TEPSIN: variants seen among roughly 807,000 people sequenced by gnomAD.
The protein encoded by TEPSIN is TEPSIN adaptor related protein complex 4 accessory protein.
A neutral mutation model predicts 48.5 loss-of-function variants in TEPSIN; 50 were observed. The observed-to-expected ratio is 1.03, with a 90% confidence interval of 0.82 to 1.31. The LOEUF (loss-of-function observed/expected upper bound fraction) is 1.31, where lower values mean the gene tolerates loss of function less well. TEPSIN is among the 50% of genes most tolerant of loss of function. TEPSIN has a pLI of 0.00. For synonymous variants in TEPSIN, 392 were observed against 358.8 expected, an observed-to-expected ratio of 1.09 and a Z score of -1.05; for missense variants, 838 against 815.9, an observed-to-expected ratio of 1.03 and a Z score of -0.33.
At position 81,229,390 on chromosome 17, in the gene TEPSIN, T is replaced by C; in HGVS notation, c.1320A>G (p.Pro440=). Residue 440 remains proline, a synonymous_variant, in exon 13 of 13, where the codon CCA becomes CCG. Coordinates refer to ENST00000637944, the MANE Select transcript of TEPSIN (RefSeq NM_001363764.2). The stretch of plus-strand genomic sequence containing the variant: ...CGTCGGTCAGCAGGTCAGATGGGCC[T>C]GGGAGGGCGGCTGTGGGGCCAGGCT... ...SAEPGPTAAL[P]GPSDLLTDAV... 1.9e-6 allele frequency: 3 copies of C among 1,552,682 alleles called. No homozygotes were observed. Among genetic ancestry groups the C allele is most frequent in the African/African-American group, 1.4e-5 (1 of 73,146 alleles).
intron 4 of TEPSIN, among the ~76,000 whole-genome samples, chr17:81,236,092 T>G (rs2062715444): frequency 6.6e-6 from 1 of 152,152 alleles, no homozygotes; most frequent in Non-Finnish European, 1.5e-5. Flanking sequence ...CTCCACCCCA[T>G]GGAAGATCTC....
intron 1 of TEPSIN, 21 bp downstream of exon 1, chr17:81,238,964 CG>C: frequency 7.0e-7 from 1 of 1,437,906 alleles, no homozygotes; most frequent in East Asian, 3.0e-5. Context: ...GACCGGGGCC[CG>C]GGCGGACCGC....
chr17:81,231,301 G>A (rs1426227698), intron 11 of TEPSIN, 97 bp downstream of exon 11: 2 of 1,262,318 alleles, frequency 1.6e-6, no homozygotes, highest in Non-Finnish European at 2.2e-6. Flanking sequence ...ACACACAGGT[G>A]TGCACACAGG....
chr17:81,230,794 G>A lies in TEPSIN; in HGVS notation c.1099-116C>T. The A allele has an allele frequency of 7.5e-7, 1 of 1,330,472 alleles. No individual in the cohort carries two copies. The highest frequency in any genetic ancestry group is 1.5e-5 in the South Asian group (1 of 64,654). 82.4% of individuals were successfully genotyped at this position (1,330,472 alleles called of 1,614,324 possible). A position where few individuals can be genotyped will look rare whatever the true frequency, so the allele number is the denominator to read the frequency against. ...TCCTCATCAATGACTGGAGTGCCAGGAGGCCCCAGAGACAGCTCCACCACA... is the reference window on the plus strand; with the variant it reads ...TCCTCATCAATGACTGGAGTGCCAGAAGGCCCCAGAGACAGCTCCACCACA... On this transcript the variant is annotated intron_variant, in intron 11 of 12. Transcript: ENST00000637944. The surrounding 1 kb of genome is among the most constrained non-coding windows in gnomAD (Gnocchi z 4.2).
Position 81,228,941 on chromosome 17 carries a change from AACGCGAAAGCTG to A in TEPSIN, c.1757_1768del (p.Ser586_Ala589del). ...CAGGCCATCGGGTCAGGCGTTCAGG[AACGCGAAAGCTG>A]ACGGCTCTGAGCCAGGAGGCTCTTT... On this transcript the variant is annotated inframe_deletion, in exon 13 of 13. Coordinates refer to ENST00000637944, the MANE Select transcript of TEPSIN (RefSeq NM_001363764.2). 1 of 1,613,514 alleles carries A rather than the reference AACGCGAAAGCTG, an allele frequency of 6.2e-7. No homozygotes were observed.
chr17:81,229,522 G>A (rs772895240), intron 12 of TEPSIN, 46 bp from the exon 13 acceptor site: 25 of 1,536,362 alleles, frequency 1.6e-5, no homozygotes, highest in Non-Finnish European at 2.2e-5. Flanking sequence ...GCAACCCTGG[G>A]AAATGTGGGG....
intron 11 of TEPSIN, 116 bp downstream of exon 11, chr17:81,231,282 G>A: frequency 8.1e-6 from 9 of 1,109,870 alleles, no homozygotes; most frequent in Non-Finnish European, 1.1e-5. Flanking sequence ...GCCACACAGA[G>A]GAATGTTCAC....
rs1395578965 is a variant in TEPSIN, at chr17:81,229,403, G to T, written c.1307C>A (p.Thr436Lys). ...GTCAGATGGGCCTGGGAGGGCGGCT[G>T]TGGGGCCAGGCTCAGCTGAGGTGCC... ...ARGTSAEPGP[T>K]AALPGPSDLL... The change falls in exon 13 of 13, where the codon ACA (threonine) becomes AAA (lysine). Residue 436 changes from threonine to lysine, a missense_variant. Physicochemically the swap from Thr to Lys is moderately conservative, Grantham distance 78. Coordinates refer to ENST00000637944, the MANE Select transcript of TEPSIN (RefSeq NM_001363764.2). 6.4e-7 allele frequency: 1 copy of T among 1,551,012 alleles called. No individual in the cohort carries two copies. Among genetic ancestry groups the T allele is most frequent in the Admixed American group, 2.0e-5 (1 of 50,712 alleles).
At position 81,233,399 on chromosome 17, in the gene TEPSIN, A is replaced by G. The variant is rs1232564242; in HGVS notation, c.526+33T>C. ...CACCTCCTCATCCCCACACCCTGAG[A>G]TGCCAGAGCCCATGCAGGCCCTCCC... On this transcript the variant is annotated intron_variant, in intron 7 of 12. Coordinates refer to ENST00000637944, the MANE Select transcript of TEPSIN (RefSeq NM_001363764.2). This position sits in a 1 kb window ranked among gnomAD's most constrained non-coding sequence, Gnocchi z 5.8. 6.2e-7 allele frequency: 1 copy of G among 1,606,122 alleles called. No homozygotes were observed. The highest frequency in any genetic ancestry group is 8.5e-7 in the Non-Finnish European group (1 of 1,178,070).
intron 4 of TEPSIN, among the ~76,000 whole-genome samples, chr17:81,235,947 T>C (rs2062712630): frequency 6.6e-6 from 1 of 152,194 alleles, no homozygotes; most frequent in Non-Finnish European, 1.5e-5. Context: ...GCCCAGTGGA[T>C]GGTACACCCT....
intron 1 of TEPSIN, chr17:81,238,063 A>G (rs2062757552): frequency 2.0e-6 from 2 of 992,684 alleles, no homozygotes; most frequent in Middle Eastern, 5.2e-4. Flanking sequence ...TGCATTATTC[A>G]GTATCAGGAC....
Position 81,234,311 on chromosome 17 carries a change from G to A in TEPSIN, c.308-263C>T, listed in dbSNP as rs1567907641. ...TCTCCCCCAGGGTCGGCAACCCCTG[G>A]TGCCTGAGCGGGTGTGGCCTCCCCG... On this transcript the variant is annotated intron_variant, in intron 4 of 12. Coordinates refer to ENST00000637944, the MANE Select transcript of TEPSIN (RefSeq NM_001363764.2). This position sits in a 1 kb window ranked among gnomAD's most constrained non-coding sequence, Gnocchi z 5.4. The A allele has an allele frequency of 2.7e-6, 1 of 364,510 alleles. No homozygotes were observed. 22.6% of individuals were successfully genotyped at this position (364,510 alleles called of 1,614,324 possible).
Position 81,233,506 on chromosome 17 carries a change from G to A in TEPSIN, c.455-3C>T, listed in dbSNP as rs780292946. 6.3e-7 allele frequency: 1 copy of A among 1,596,012 alleles called. No homozygotes were observed. On this transcript the variant is annotated splice_polypyrimidine_tract_variant and splice_region_variant and intron_variant, in intron 6 of 12. Coordinates refer to ENST00000637944, the MANE Select transcript of TEPSIN (RefSeq NM_001363764.2). The surrounding 1 kb of genome is among the most constrained non-coding windows in gnomAD (Gnocchi z 5.8). ...CGGCCTGGCCTGGGAGCCCATGCCTGCAGAGGGTCCTCCGTTAGCAGCAAG... is the reference window on the plus strand; with the variant it reads ...CGGCCTGGCCTGGGAGCCCATGCCTACAGAGGGTCCTCCGTTAGCAGCAAG...
At chr17:81,238,637 TG>T in intron 1 of TEPSIN, 2 of 1,144,202 alleles carry the variant, frequency 1.7e-6, no homozygotes, top group Non-Finnish European at 2.1e-6. Context: ...CCAGCCCACC[TG>T]GGCGCCAGCA....
In TEPSIN at chr17:81,232,342, G is replaced by C. The variant is rs893884957; in HGVS notation, c.703C>G (p.Leu235Val). 3.6e-5 allele frequency: 55 copies of C among 1,534,296 alleles called. No individual in the cohort carries two copies. In the African/African-American group the frequency reaches 6.6e-4, roughly 18 times the overall value. ...CGGGGACCTGGAATGGCCCCGGGGA[G>C]TAGGTTCCCCAGGGTTGGGGGACCG... Reference protein sequence around the residue: ...SHGPPTLGNLLPGAIPGPRAV... With the variant: ...SHGPPTLGNLVPGAIPGPRAV... The change falls in exon 8 of 13, where the codon CTC (leucine) becomes GTC (valine). Residue 235 changes from leucine to valine, a missense_variant. Leu to Val is a conservative substitution (Grantham distance 32). Coordinates refer to ENST00000637944, the MANE Select transcript of TEPSIN (RefSeq NM_001363764.2).
Position 81,231,429 on chromosome 17 carries a change from T to C in TEPSIN, c.1067A>G (p.His356Arg), listed in dbSNP as rs2062605887. 2 of 1,562,944 alleles carry C rather than the reference T, an allele frequency of 1.3e-6. No homozygotes were observed. The highest frequency in any genetic ancestry group is 2.4e-5 in the East Asian group (1 of 41,838). ...CGTGCATTCACTGGTCCCACGCAGG[T>C]GGCAGGTCAGCAGCTGCAGCACGGC... is the stretch of plus-strand genomic sequence containing the variant. ...CEAVLQLLTC[H>R]LRGTSECTQL... Residue 356 changes from histidine (H) to arginine (R), a missense_variant, in exon 11 of 13, where the codon CAC (histidine) becomes CGC (arginine). By Grantham distance (29) the His-to-Arg change is conservative. Transcript: ENST00000637944.
chr17:81,231,035 G>GC (rs34821271), intron 11 of TEPSIN: 7 of 478,066 alleles, frequency 1.5e-5, no homozygotes, highest in Admixed American at 4.0e-5. Context: ...TCCTCCGCAC[G>GC]CCCCCCGACA....
intron 1 of TEPSIN, chr17:81,238,252 G>T: frequency 2.3e-6 from 2 of 864,880 alleles, no homozygotes; most frequent in Non-Finnish European, 2.8e-6. Flanking sequence ...GCCCTAAGGG[G>T]AGCTGCTGAG....
rs749391945 is a variant in TEPSIN at position 81,232,508 on chromosome 17, G to C, written c.537C>G (p.Gly179=). 2.2e-5 allele frequency: 34 copies of C among 1,517,008 alleles called. No homozygotes were observed. The highest frequency in any genetic ancestry group is 1.2e-4 in the South Asian group (10 of 80,654). The allele number at this position is 1,517,008 out of a possible 1,614,324, so 94.0% of individuals were successfully genotyped here. A position where few individuals can be genotyped will look rare whatever the true frequency, so the allele number is the denominator to read the frequency against. ...TCTGGATGGTGGAGAGGAAGGCTTC[G>C]CCTGCCGAGCCTGTACCCGAGGAGA... ...SKEHGRTGSA[G]EAFLSTIQKA... Residue 179 remains glycine (G), a synonymous_variant, in exon 8 of 13, where the codon GGC becomes GGG. Coordinates refer to ENST00000637944, the MANE Select transcript of TEPSIN (RefSeq NM_001363764.2).
Sources: allele counts gnomAD v4.1 joint callset (sites outside exome capture counted in the v4.1 genomes callset), GRCh38; gene constraint gnomAD v4.1.1; non-coding constraint Gnocchi (gnomAD v3.1); transcripts MANE v1.5; gene names NCBI Gene and HGNC (gene_info 2026-07-23, HGNC 2026-07-21).